Variants in DEFB131A observed in about 807,000 individuals in gnomAD.
DEFB131A encodes defensin beta 131A.
DEFB131A carries 5 observed loss-of-function variants against 2.4 expected under a neutral mutation model. The ratio of observed to expected loss-of-function variants is 2.12; its 90% CI spans 1.11 to 4.47. The LOEUF (loss-of-function observed/expected upper bound fraction) is 4.47, where lower values mean the gene tolerates loss of function less well. Ranked by LOEUF, DEFB131A falls within the 30% of genes most tolerant of loss-of-function variation. The pLI, the probability that DEFB131A is intolerant of heterozygous loss-of-function variation, is 0.00. For synonymous variants in DEFB131A, 34 were observed against 25.7 expected (o/e 1.32, Z -0.97); for missense variants, 120 against 79.9 (o/e 1.50, Z -1.91).
At chr4:9,446,569 T>G (rs1717510012) in intron 1 of DEFB131A, among the ~76,000 whole-genome samples, 1 of 152,080 alleles carries the variant, frequency 6.6e-6, no homozygotes, top group Admixed American at 6.5e-5. Context: ...TTCTTTGCAT[T>G]TTTTAAATCT....
rs1717628325 is a variant in DEFB131A at position 9,450,441 on chromosome 4, T to G, written c.140T>G (p.Ile47Ser). The change falls in exon 2 of 2, where the codon ATT (isoleucine) becomes AGT (serine). Residue 47 changes from isoleucine (I) to serine (S), a missense_variant. By Grantham distance (142) the Ile-to-Ser change is moderately radical. Coordinates refer to ENST00000334879, the MANE Select transcript of DEFB131A (RefSeq NM_001040448.3). Reference sequence around the variant, plus strand: ...AAGTGCAATGCTGATGAACATGCAATTAGATACTGTGCTGACTTCAGCATC... The same window carrying G: ...AAGTGCAATGCTGATGAACATGCAAGTAGATACTGTGCTGACTTCAGCATC... ...RLKCNADEHA[I>S]RYCADFSICC... The G allele has an allele frequency of 6.2e-7, 1 of 1,610,966 alleles. No homozygotes were observed. The highest frequency in any genetic ancestry group is 8.5e-7 in the Non-Finnish European group (1 of 1,179,240).
intron 1 of DEFB131A, among the ~76,000 whole-genome samples, chr4:9,445,873 A>G (rs1241960827): frequency 7.9e-5 from 12 of 152,112 alleles, no homozygotes; most frequent in Non-Finnish European, 2.9e-5. Flanking sequence ...TTTTGTCTCT[A>G]TGTATATTCC....
chr4:9,450,192 G>A (rs958260425), intron 1 of DEFB131A, among the ~76,000 whole-genome samples, 168 bp from the exon 2 acceptor site: 10 of 152,164 alleles, frequency 6.6e-5, no homozygotes, highest in South Asian at 2.1e-4. Flanking sequence ...AGAAATCATC[G>A]CTTGTCTTTA....
At chr4:9,444,643 A>T in intron 1 of DEFB131A, 52 bp downstream of exon 1, 1 of 1,570,024 alleles carries the variant, frequency 6.4e-7, no homozygotes, top group Non-Finnish European at 8.7e-7. Flanking sequence ...AGTAAAAGAA[A>T]ATGCAAGGTC....
chr4:9,448,311 GA>G (rs375847332), intron 1 of DEFB131A, among the ~76,000 whole-genome samples: 5,477 of 147,888 alleles, frequency 0.037, 141 homozygotes, highest in African/African-American at 0.12. Flanking sequence ...TGTTATAAAA[GA>G]AAAAAAAAAG....
intron 1 of DEFB131A, among the ~76,000 whole-genome samples, chr4:9,445,517 A>T (rs530174832): frequency 2.0e-4 from 31 of 151,830 alleles, no homozygotes; most frequent in African/African-American, 7.5e-4. Flanking sequence ...TGCGGTTCAT[A>T]CCTGAGATTT....
At chr4:9,449,938 C>A (rs181621055) in intron 1 of DEFB131A, among the ~76,000 whole-genome samples, 2 of 152,208 alleles carry the variant, frequency 1.3e-5, no homozygotes. Context: ...TTATATTTAT[C>A]CATAATCTAC....
intron 1 of DEFB131A, among the ~76,000 whole-genome samples, chr4:9,447,030 C>G (rs1442130267): frequency 3.3e-5 from 5 of 152,188 alleles, no homozygotes; most frequent in African/African-American, 1.2e-4. Context: ...GGAGAATGTT[C>G]TATGTGATGA....
Position 9,444,533 on chromosome 4 carries a change from C to G in DEFB131A, c.-1C>G, listed in dbSNP as rs754573300. On this transcript the variant is annotated 5_prime_UTR_variant, in exon 1 of 2. Transcript: ENST00000334879. ...CTCTAACCTGCTTTACCTATTCAACCATGAGGGTCTTGTTTTTTGTCTTTG... is the reference window on the plus strand; with the variant it reads ...CTCTAACCTGCTTTACCTATTCAACGATGAGGGTCTTGTTTTTTGTCTTTG... 6.2e-7 allele frequency: 1 copy of G among 1,611,584 alleles called. No individual in the cohort carries two copies. Among genetic ancestry groups the G allele is most frequent in the African/African-American group, 1.3e-5 (1 of 74,850 alleles).
chr4:9,450,582 T>C lies in DEFB131A; in HGVS notation c.*68T>C. 5.2e-6 allele frequency: 8 copies of C among 1,536,798 alleles called. No individual in the cohort carries two copies. Among genetic ancestry groups the C allele is most frequent in the Non-Finnish European group, 7.0e-6 (8 of 1,136,218 alleles). The stretch of plus-strand genomic sequence containing the variant: ...TGTCTTAAACTCTCTTATCTATGAA[T>C]AATTAACATGATAGATGAAAATTAT... On this transcript the variant is annotated 3_prime_UTR_variant, in exon 2 of 2. Transcript: ENST00000334879.
intron 1 of DEFB131A, among the ~76,000 whole-genome samples, chr4:9,444,986 G>T (rs189594690): frequency 6.6e-6 from 1 of 151,982 alleles, no homozygotes; most frequent in Non-Finnish European, 1.5e-5. Flanking sequence ...AGGAAGCTTA[G>T]GCAGGATCGC....
At chr4:9,447,255 T>C (rs1040598518) in intron 1 of DEFB131A, among the ~76,000 whole-genome samples, 8 of 152,198 alleles carry the variant, frequency 5.3e-5, no homozygotes, top group Non-Finnish European at 1.0e-4. Flanking sequence ...TTTTAATATA[T>C]CTAAGCATTC....
intron 1 of DEFB131A, 39 bp from the exon 2 acceptor site, chr4:9,450,321 G>A (rs770957379): frequency 9.5e-6 from 14 of 1,468,854 alleles, no homozygotes; most frequent in East Asian, 2.4e-5. Context: ...TAAAAAGTAA[G>A]TAATATTGTG....
intron 1 of DEFB131A, among the ~76,000 whole-genome samples, chr4:9,449,718 G>T (rs1192173194): frequency 6.6e-6 from 1 of 152,002 alleles, no homozygotes; most frequent in Non-Finnish European, 1.5e-5. Context: ...GGGAGATTAT[G>T]GGTTATAGGC....
At chr4:9,449,727 G>T (rs1204117104) in intron 1 of DEFB131A, among the ~76,000 whole-genome samples, 4 of 151,990 alleles carry the variant, frequency 2.6e-5, no homozygotes, top group Admixed American at 2.0e-4. Flanking sequence ...TGGGTTATAG[G>T]CTCCTGTGCA....
Position 9,444,508 on chromosome 4 carries a change from C to G in DEFB131A, c.-26C>G, listed in dbSNP as rs187463212. ...CCTCTTCATCTCAGCTACTGATTCTCTCTAACCTGCTTTACCTATTCAACC... is the reference window on the plus strand; with the variant it reads ...CCTCTTCATCTCAGCTACTGATTCTGTCTAACCTGCTTTACCTATTCAACC... On this transcript the variant is annotated 5_prime_UTR_variant, in exon 1 of 2. Coordinates refer to ENST00000334879, the MANE Select transcript of DEFB131A (RefSeq NM_001040448.3). 1,752 of 1,610,152 alleles carry G rather than the reference C, an allele frequency of 1.1e-3. 3 individuals are homozygous for G. Among genetic ancestry groups the G allele is most frequent in the Non-Finnish European group, 1.4e-3 (1,635 of 1,179,086 alleles).
chr4:9,444,740 GAAAT>G, intron 1 of DEFB131A, 149 bp downstream of exon 1: 2 of 778,476 alleles, frequency 2.6e-6, no homozygotes, highest in Non-Finnish European at 4.0e-6. Flanking sequence ...TGATACTAAA[GAAAT>G]AAATAAGGTG....
chr4:9,450,238 T>A, intron 1 of DEFB131A, 122 bp from the exon 2 acceptor site: 5 of 1,153,462 alleles, frequency 4.3e-6, no homozygotes, highest in African/African-American at 1.6e-5. Flanking sequence ...CATTTTTTGC[T>A]GTTGATTTTG....
chr4:9,445,909 A>T (rs1261718968), intron 1 of DEFB131A, among the ~76,000 whole-genome samples: 1 of 152,180 alleles, frequency 6.6e-6, no homozygotes, highest in Non-Finnish European at 1.5e-5. Flanking sequence ...CTATGAACAG[A>T]ATAAGAAATA....
Sources: gnomAD v4.1 joint callset for allele counts (sites outside exome capture counted in the v4.1 genomes callset) on GRCh38, gnomAD v4.1.1 for gene constraint, MANE v1.5 for transcripts, NCBI Gene and HGNC (gene_info 2026-07-23, HGNC 2026-07-21) for gene names.